The following FERMT1 variants were observed in gnomAD, a reference collection of about 807,000 sequenced individuals.
FERMT1 encodes the protein fermitin family homolog 1.
FERMT1 carries 60 observed loss-of-function variants against 85.3 expected under a neutral mutation model. That is an observed-to-expected ratio of 0.70 (90% CI 0.57 to 0.87). The LOEUF (loss-of-function observed/expected upper bound fraction) is 0.87. Ranked by LOEUF, FERMT1 falls within the 40% of genes least tolerant of loss-of-function variation. FERMT1 has a pLI of 0.00. For synonymous variants in FERMT1, 275 were observed against 301.1 expected, an observed-to-expected ratio of 0.91 and a Z score of 0.90; for missense variants, 701 against 818.9, an observed-to-expected ratio of 0.86 and a Z score of 1.76.
At chr20:6,079,626 T>G (rs923727911) in intron 13 of FERMT1, 49 bp from the exon 14 acceptor site, 1 of 1,530,964 alleles carries the variant, frequency 6.5e-7, no homozygotes, top group East Asian at 2.3e-5. Flanking sequence ...CTTCCTATAA[T>G]ACAATGTTCA....
At position 6,075,049 on chromosome 20, in the gene FERMT1, G is replaced by GTT. The variant is rs11405989; in HGVS notation, c.*2122_*2123dup. On this transcript the variant is annotated 3_prime_UTR_variant, in exon 15 of 15. Coordinates refer to ENST00000217289, the MANE Select transcript of FERMT1 (RefSeq NM_017671.5). ...CTTTGGAACAGTAGCATTTAGGTTTGTTTTTTTTTTTTTTTGTCACACTTG... is the reference window on the plus strand; with the variant it reads ...CTTTGGAACAGTAGCATTTAGGTTTGTTTTTTTTTTTTTTTTTGTCACACTTG... The GTT allele has an allele frequency of 6.0e-3, 769 of 129,196 alleles. 10 individuals carry two copies. The highest frequency in any genetic ancestry group is 0.019 in the African/African-American group (595 of 30,794). The allele number at this position is 129,196 out of a possible 1,614,324, so 8.0% of individuals were successfully genotyped here. A position where few individuals can be genotyped will look rare whatever the true frequency, so the allele number is the denominator to read the frequency against.
intron 9 of FERMT1, among the ~76,000 whole-genome samples, chr20:6,092,246 A>G (rs779425607): frequency 7.2e-5 from 11 of 152,172 alleles, no homozygotes; most frequent in Non-Finnish European, 1.2e-4. Flanking sequence ...CACATAAGAC[A>G]TTTAAATTTG....
chr20:6,112,636 A>AT lies in FERMT1; in HGVS notation c.386-14dup. On this transcript the variant is annotated splice_polypyrimidine_tract_variant and intron_variant, in intron 3 of 14. Transcript: ENST00000217289. Reference sequence around the variant, plus strand: ...GATCTTCTAATATCTAGAAATAAATATTTTTTAAAAATGAAGAAAAAGTAA... The same window carrying AT: ...GATCTTCTAATATCTAGAAATAAATATTTTTTTAAAAATGAAGAAAAAGTAA... 1 of 1,500,392 alleles carries AT rather than the reference A, an allele frequency of 6.7e-7. No individual in the cohort carries two copies. The highest frequency in any genetic ancestry group is 9.0e-7 in the Non-Finnish European group (1 of 1,113,570). 92.9% of individuals were successfully genotyped at this position (1,500,392 alleles called of 1,614,324 possible).
At chr20:6,089,993 C>T (rs570676275) in intron 9 of FERMT1, among the ~76,000 whole-genome samples, 69 of 152,158 alleles carry the variant, frequency 4.5e-4, no homozygotes, top group Non-Finnish European at 7.6e-4. Flanking sequence ...GCCAGAGGGG[C>T]GGACTTCTGC....
rs1981851130 is a variant in FERMT1 at position 6,077,199 on chromosome 20, G to A, written c.2008C>T (p.His670Tyr). ...CAATCCTGACCGCCGGTCAATTTGT[G>A]GAACAAGTCCTCATCGAGTGTTTCA... ...QNETLDEDLFHKLTGGQD is the reference protein window; with the variant it reads ...QNETLDEDLFYKLTGGQD The change falls in exon 15 of 15, where the codon CAC (histidine) becomes TAC (tyrosine). Residue 670 changes from histidine to tyrosine, a missense_variant. Transcript: ENST00000217289. 6.2e-7 allele frequency: 1 copy of A among 1,614,018 alleles called. No homozygotes were observed. The highest frequency in any genetic ancestry group is 1.3e-5 in the African/African-American group (1 of 74,926).
At chr20:6,081,060 G>A (rs1981980912) in intron 13 of FERMT1, among the ~76,000 whole-genome samples, 1 of 152,184 alleles carries the variant, frequency 6.6e-6, no homozygotes, top group Admixed American at 6.5e-5. Flanking sequence ...GCCGAGGCAA[G>A]GGGATTACTT....
chr20:6,097,138 C>G, intron 7 of FERMT1, 105 bp from the exon 8 acceptor site: 1 of 1,098,270 alleles, frequency 9.1e-7, no homozygotes, highest in Admixed American at 1.7e-5. Context: ...CCTTGGAATA[C>G]TGAACATCTC....
Position 6,077,268 on chromosome 20 carries a change from T to C in FERMT1, c.1939A>G (p.Ile647Val). 1.9e-6 allele frequency: 3 copies of C among 1,614,152 alleles called. No homozygotes were observed. Among genetic ancestry groups the C allele is most frequent in the African/African-American group, 1.3e-5 (1 of 75,022 alleles). ...SADCKIVHEY[I>V]GGYIFLSTRS... is the part of the protein sequence containing the mutation. ...GTGGACAAGAAAATGTAGCCGCCAA[T>C]GTACTCGTGCACAATCTTGCAATCT... Residue 647 changes from isoleucine (I) to valine (V), a missense_variant, in exon 15 of 15, where the codon ATT (isoleucine) becomes GTT (valine). Transcript: ENST00000217289.
chr20:6,085,578 C>A (rs920626393), intron 11 of FERMT1, among the ~76,000 whole-genome samples: 1 of 152,132 alleles, frequency 6.6e-6, no homozygotes, highest in Non-Finnish European at 1.5e-5. Context: ...GGGCCAGGTG[C>A]GGTGGCTCAT....
rs1267464902 is a variant in FERMT1, at chr20:6,077,170, G to A, written c.*3C>T. On this transcript the variant is annotated 3_prime_UTR_variant, in exon 15 of 15. Transcript: ENST00000217289. ...TGGTGTGAGCCGAGCACGCGTGCTTGTTTCAATCCTGACCGCCGGTCAATT... is the reference window on the plus strand; with the variant it reads ...TGGTGTGAGCCGAGCACGCGTGCTTATTTCAATCCTGACCGCCGGTCAATT... 3 of 1,613,628 alleles carry A rather than the reference G, an allele frequency of 1.9e-6. No homozygotes were observed. The highest frequency in any genetic ancestry group is 2.7e-5 in the African/African-American group (2 of 74,898).
rs931513980 is a variant in FERMT1, at chr20:6,104,058, A to G, written c.849+3474T>C. Among the ~76,000 whole-genome samples, 1 of 151,916 alleles carries G rather than the reference A, an allele frequency of 6.6e-6. No individual in the cohort carries two copies. The highest frequency in any genetic ancestry group is 6.6e-5 in the Admixed American group (1 of 15,224). On this transcript the variant is annotated intron_variant, in intron 6 of 14. Transcript: ENST00000217289. The surrounding 1 kb of genome is among the most constrained non-coding windows in gnomAD (Gnocchi z 4.2). ...GCTAATTTTTGTATTTTTAGTAGAG[A>G]TGGGGTTTCACCATGTTGGCCAGGC...
intron 8 of FERMT1, among the ~76,000 whole-genome samples, chr20:6,095,211 G>A (rs1204211495): frequency 1.3e-5 from 2 of 152,126 alleles, no homozygotes. Context: ...GAGAATGGGG[G>A]CCCTGTTGAG....
At chr20:6,088,341 CTG>C (rs976318681) in intron 10 of FERMT1, among the ~76,000 whole-genome samples, 10 of 152,326 alleles carry the variant, frequency 6.6e-5, no homozygotes, top group Admixed American at 5.2e-4. Flanking sequence ...TTAAATATAA[CTG>C]TTCTGGAATA....
Position 6,094,969 on chromosome 20 carries a change from G to A in FERMT1, c.1109C>T (p.Pro370Leu). 6.5e-7 allele frequency: 1 copy of A among 1,543,876 alleles called. No individual in the cohort carries two copies. The highest frequency in any genetic ancestry group is 9.0e-7 in the Non-Finnish European group (1 of 1,116,136). ...DSLLEDITDI[P>L]KLADNLKLFR... The stretch of plus-strand genomic sequence containing the variant: ...TAATTTGAGATTATCTGCAAGTTTA[G>A]GGATATCAGTAATGTCCTCCTAAGA... The change falls in exon 9 of 15, where the codon CCT (proline) becomes CTT (leucine). Residue 370 changes from proline (P) to leucine (L), a missense_variant. Transcript: ENST00000217289.
At chr20:6,114,754 A>G (rs6085409) in intron 3 of FERMT1, among the ~76,000 whole-genome samples, 41,763 of 151,970 alleles carry the variant, frequency 0.27, 6,083 homozygotes, top group South Asian at 0.49. Context: ...CTCTCACCCT[A>G]CTTCATATAC....
At chr20:6,118,390 G>C (rs757044837) in intron 2 of FERMT1, among the ~76,000 whole-genome samples, 7 of 152,038 alleles carry the variant, frequency 4.6e-5, no homozygotes, top group Non-Finnish European at 1.5e-5. Flanking sequence ...TGGTGACTGG[G>C]AGGGGTCGGG....
At chr20:6,079,392 A>T (rs1406829214) in intron 14 of FERMT1, 44 bp downstream of exon 14, 1 of 1,606,216 alleles carries the variant, frequency 6.2e-7, no homozygotes, top group South Asian at 1.1e-5. Flanking sequence ...TGAGGGACAC[A>T]CATTTATAGG....
chr20:6,080,137 G>A (rs1052907248), intron 13 of FERMT1, among the ~76,000 whole-genome samples: 1 of 152,054 alleles, frequency 6.6e-6, no homozygotes, highest in African/African-American at 2.4e-5. Flanking sequence ...CAGGCAGAGG[G>A]CACAGCCACT....
At chr20:6,093,264 C>T (rs1054203570) in intron 9 of FERMT1, among the ~76,000 whole-genome samples, 1 of 152,172 alleles carries the variant, frequency 6.6e-6, no homozygotes, top group Non-Finnish European at 1.5e-5. Flanking sequence ...CTCTCTCCTT[C>T]CTTCATTTGT....
Sources: allele counts gnomAD v4.1 joint callset (sites outside exome capture counted in the v4.1 genomes callset), GRCh38; gene constraint gnomAD v4.1.1; non-coding constraint Gnocchi (gnomAD v3.1); transcripts MANE v1.5; gene names NCBI Gene and HGNC (gene_info 2026-07-23, HGNC 2026-07-21).